Variants in NKD2 observed in about 807,000 individuals in gnomAD.
NKD2 encodes protein naked cuticle homolog 2.
In NKD2, 43 loss-of-function variants were observed where a neutral mutation model predicts 34.8. The ratio of observed to expected loss-of-function variants is 1.24; its 90% CI spans 0.97 to 1.60. NKD2 has a LOEUF of 1.60. NKD2 is among the 40% of genes most tolerant of loss of function. NKD2 has a pLI of 0.00. For synonymous variants in NKD2, 278 were observed against 265.1 expected (o/e 1.05, Z -0.47); for missense variants, 675 against 627.1 (o/e 1.08, Z -0.82).
intron 7 of NKD2, 132 bp downstream of exon 7, chr5:1,035,035 A>C: frequency 1.2e-6 from 1 of 820,540 alleles, no homozygotes; most frequent in Non-Finnish European, 1.9e-6. Context: ...TGAGTGAGTG[A>C]ATGAGTAAGT....
chr5:1,035,338 A>G (rs1203060969), intron 7 of NKD2, 51 bp from the exon 8 acceptor site: 1 of 1,373,808 alleles, frequency 7.3e-7, no homozygotes, highest in Non-Finnish European at 1.0e-6. Context: ...GAATGAGTGA[A>G]TGCTGAATGA....
At chr5:1,023,771 T>C (rs368451341) in intron 3 of NKD2, among the ~76,000 whole-genome samples, 4 of 1,118 alleles carry the variant, frequency 3.6e-3, no homozygotes, top group Non-Finnish European at 0.1. Flanking sequence ...CTCTTCCCAC[T>C]CTCTGTGGGC....
chr5:1,034,371 C>T, intron 6 of NKD2, 41 bp downstream of exon 6: 1 of 1,484,182 alleles, frequency 6.7e-7, no homozygotes. Flanking sequence ...CAGTAGTAGA[C>T]AGACGGGGCA....
chr5:1,038,056 A>G lies in NKD2; in HGVS notation c.1039A>G (p.Ser347Gly), dbSNP rs1010145835. Reference sequence around the variant, plus strand: ...GAAGCCGCCTGGGGTGCCAGCCAGCAGCAAGTCCGGGAAAGCCTTCAGCTA... The same window carrying G: ...GAAGCCGCCTGGGGTGCCAGCCAGCGGCAAGTCCGGGAAAGCCTTCAGCTA... ...SGKPPGVPAS[S>G]KSGKAFSYYL... The change falls in exon 10 of 10, where the codon AGC (serine) becomes GGC (glycine). Residue 347 changes from serine (S) to glycine (G), a missense_variant. Coordinates refer to ENST00000296849, the MANE Select transcript of NKD2 (RefSeq NM_033120.4). This position sits in a 1 kb window ranked among gnomAD's most constrained non-coding sequence, Gnocchi z 4.5. 6.2e-7 allele frequency: 1 copy of G among 1,609,658 alleles called. No individual in the cohort carries two copies. The highest frequency in any genetic ancestry group is 2.2e-5 in the East Asian group (1 of 44,830).
chr5:1,010,534 T>G (rs995134998), intron 3 of NKD2, among the ~76,000 whole-genome samples: 1 of 152,190 alleles, frequency 6.6e-6, no homozygotes, highest in Non-Finnish European at 1.5e-5. Flanking sequence ...GAAATTAACA[T>G]GCAATAGAGT....
chr5:1,034,653 G>T (rs1191547481), intron 6 of NKD2, 103 bp from the exon 7 acceptor site: 1 of 1,220,782 alleles, frequency 8.2e-7, no homozygotes. Context: ...TGGATGCAAG[G>T]ATGGCATAGG....
chr5:1,038,524 A>C lies in NKD2; in HGVS notation c.*151A>C. The C allele has an allele frequency of 6.8e-7, 1 of 1,470,004 alleles. No homozygotes were observed. Among genetic ancestry groups the C allele is most frequent in the Non-Finnish European group, 9.2e-7 (1 of 1,088,938 alleles). 91.1% of individuals were successfully genotyped at this position (1,470,004 alleles called of 1,614,324 possible). On this transcript the variant is annotated 3_prime_UTR_variant, in exon 10 of 10. Transcript: ENST00000296849. The surrounding 1 kb of genome is among the most constrained non-coding windows in gnomAD (Gnocchi z 4.5). ...ACAGCAACTGACTGCAGGTGCTGGC[A>C]TGATGGAGGTGGTGCACCTTGGACA...
chr5:1,031,742 G>A (rs1579270549), intron 3 of NKD2, among the ~76,000 whole-genome samples: 1 of 152,326 alleles, frequency 6.6e-6, no homozygotes, highest in African/African-American at 2.4e-5. Context: ...AGCCATGCGG[G>A]CAGCGGCTGG....
intron 3 of NKD2, among the ~76,000 whole-genome samples, chr5:1,015,426 T>C (rs138796257): frequency 6.6e-6 from 1 of 152,204 alleles, no homozygotes; most frequent in Admixed American, 6.5e-5. Context: ...CAGACACACC[T>C]GAATTTGGAG....
chr5:1,036,961 C>T (rs1734000447), intron 9 of NKD2: 9 of 348,714 alleles, frequency 2.6e-5, no homozygotes, highest in Admixed American at 9.7e-5. Flanking sequence ...GTGTGGACGG[C>T]GGGCAGTGTG....
intron 4 of NKD2, 147 bp downstream of exon 4, chr5:1,032,359 T>C: frequency 1.5e-6 from 1 of 688,814 alleles, no homozygotes; most frequent in East Asian, 2.8e-5. Context: ...TTAAAAAGCC[T>C]TGGCAGCACA....
intron 3 of NKD2, among the ~76,000 whole-genome samples, chr5:1,027,100 C>T (rs1756448297): frequency 6.6e-6 from 1 of 152,258 alleles, no homozygotes; most frequent in Non-Finnish European, 1.5e-5. Context: ...CTGGGGGCCC[C>T]CTGGGCACAG....
At chr5:1,030,583 G>C (rs1223697977) in intron 3 of NKD2, among the ~76,000 whole-genome samples, 1 of 152,322 alleles carries the variant, frequency 6.6e-6, no homozygotes, top group Middle Eastern at 3.4e-3. Flanking sequence ...GGGTTTTAGA[G>C]ATGATTTGGT....
At chr5:1,017,483 T>C (rs1216976995) in intron 3 of NKD2, among the ~76,000 whole-genome samples, 1 of 152,258 alleles carries the variant, frequency 6.6e-6, no homozygotes, top group Non-Finnish European at 1.5e-5. Flanking sequence ...AGAACGTTGC[T>C]GTAGGCTTCC....
At chr5:1,012,398 A>G (rs1755789676) in intron 3 of NKD2, among the ~76,000 whole-genome samples, 1 of 152,254 alleles carries the variant, frequency 6.6e-6, no homozygotes, top group Non-Finnish European at 1.5e-5. Context: ...GGCAGCAGGC[A>G]CGGCTCTGAG....
chr5:1,030,636 G>C (rs564421467), intron 3 of NKD2, among the ~76,000 whole-genome samples: 1 of 152,170 alleles, frequency 6.6e-6, no homozygotes, highest in Non-Finnish European at 1.5e-5. Context: ...CCCTCACAGC[G>C]GTGCCTCCCT....
At chr5:1,019,566 C>A (rs564978882) in intron 3 of NKD2, among the ~76,000 whole-genome samples, 1 of 152,254 alleles carries the variant, frequency 6.6e-6, no homozygotes, top group East Asian at 1.9e-4. Context: ...GAGATTGTCG[C>A]GTGCAGGGCA....
chr5:1,030,604 C>T (rs1459881616), intron 3 of NKD2, among the ~76,000 whole-genome samples: 5 of 152,204 alleles, frequency 3.3e-5, no homozygotes, highest in African/African-American at 9.7e-5. Flanking sequence ...TTTATGCCAG[C>T]GTCCACCTGG....
rs370248872 is a variant in NKD2, at chr5:1,028,291, G to A, written c.142-3861G>A. Among the ~76,000 whole-genome samples, 11 of 152,276 alleles carry A rather than the reference G, an allele frequency of 7.2e-5. No homozygotes were observed. The South Asian group carries it at 1.9e-3, about 26-fold the overall frequency. On this transcript the variant is annotated intron_variant, in intron 3 of 9. Coordinates refer to ENST00000296849, the MANE Select transcript of NKD2 (RefSeq NM_033120.4). ...TTCCTGAGCATCCCGTAGGGCCGTG[G>A]GACCTGAAGCAAAGGCTACCTGTTG... is the stretch of plus-strand genomic sequence containing the variant.
Sources: allele counts gnomAD v4.1 joint callset (sites outside exome capture counted in the v4.1 genomes callset), GRCh38; gene constraint gnomAD v4.1.1; non-coding constraint Gnocchi (gnomAD v3.1); transcripts MANE v1.5; gene names NCBI Gene and HGNC (gene_info 2026-07-23, HGNC 2026-07-21).